Variants in TJAP1 observed in about 807,000 individuals in gnomAD.
TJAP1 encodes the protein tight junction-associated protein 1.
A neutral mutation model predicts 42.0 loss-of-function variants in TJAP1; 27 were observed. The ratio of observed to expected loss-of-function variants is 0.64; its 90% CI spans 0.47 to 0.89. The LOEUF (loss-of-function observed/expected upper bound fraction) is 0.89, where lower values mean the gene tolerates loss of function less well. Among genes scored for constraint, TJAP1 ranks in the 40% least tolerant of loss-of-function variants. The pLI is 0.00. For missense variants in TJAP1, 712 were observed against 726.9 expected (o/e 0.98, Z 0.24); for synonymous variants, 257 against 288.4 (o/e 0.89, Z 1.10).
Position 43,505,174 on chromosome 6 carries a change from A to G in TJAP1, c.993A>G (p.Val331=), listed in dbSNP as rs1272734921. Residue 331 remains valine, a synonymous_variant, in exon 11 of 11, where the codon GTA becomes GTG. Transcript: ENST00000372449. This position sits in a 1 kb window ranked among gnomAD's most constrained non-coding sequence, Gnocchi z 5.5. Reference sequence around the variant, plus strand: ...ACCCACTGTATCCTGGCCGCAGGGTAATAGAGTTCTCTGAGGATAAGGTTC... The same window carrying G: ...ACCCACTGTATCCTGGCCGCAGGGTGATAGAGTTCTCTGAGGATAAGGTTC... 1 of 1,614,170 alleles carries G rather than the reference A, an allele frequency of 6.2e-7. No individual in the cohort carries two copies. The highest frequency in any genetic ancestry group is 1.6e-4 in the Middle Eastern group (1 of 6,062).
At chr6:43,503,996 A>C (rs1482306659) in intron 10 of TJAP1, 1 of 626,960 alleles carries the variant, frequency 1.6e-6, no homozygotes, top group Non-Finnish European at 3.1e-6. Context: ...CTGCCCAAAG[A>C]GTACTAAGAG....
chr6:43,498,105 G>A (rs1448399731), intron 3 of TJAP1, 128 bp downstream of exon 3: 2 of 152,222 alleles, frequency 1.3e-5, no homozygotes, highest in African/African-American at 4.8e-5. Context: ...CAGGGGTTTG[G>A]TCATCAGTGG....
At chr6:43,502,681 T>C (rs764295956) in intron 8 of TJAP1, 64 bp downstream of exon 8, 40 of 1,528,628 alleles carry the variant, frequency 2.6e-5, no homozygotes, top group Middle Eastern at 1.7e-4. Flanking sequence ...AGATCTGGGA[T>C]TGTGGGCCCT....
At position 43,496,063 on chromosome 6, in the gene TJAP1, G is replaced by A. The variant is rs553866701; in HGVS notation, c.-121-1818G>A. Among the ~76,000 whole-genome samples, 27 of 152,248 alleles carry A rather than the reference G, an allele frequency of 1.8e-4. 2 individuals are homozygous for A. The highest frequency in any genetic ancestry group is 6.3e-4 in the African/African-American group (26 of 41,544). The stretch of plus-strand genomic sequence containing the variant: ...ACAAAGGGGCCTGCAGAGAGAAAGG[G>A]CTTCCTGAGATGACTGGGGAGCACA... On this transcript the variant is annotated intron_variant, in intron 2 of 10. Coordinates refer to ENST00000372449, the Ensembl canonical transcript of TJAP1.
intron 7 of TJAP1, 95 bp from the exon 8 acceptor site, chr6:43,502,493 C>T: frequency 6.6e-7 from 1 of 1,516,584 alleles, no homozygotes; most frequent in South Asian, 1.2e-5. Flanking sequence ...GCAGTGTGCT[C>T]TGCAAGTCAA....
At chr6:43,481,672 A>G (rs376685875) in intron 2 of TJAP1, among the ~76,000 whole-genome samples, 9 of 151,596 alleles carry the variant, frequency 5.9e-5, no homozygotes, top group Non-Finnish European at 8.8e-5. Flanking sequence ...GCTGAAGCCT[A>G]TGTTGTTTGA....
At chr6:43,504,565 T>C (rs973452582) in intron 10 of TJAP1, 196 bp from the exon 11 acceptor site, 1 of 711,458 alleles carries the variant, frequency 1.4e-6, no homozygotes, top group African/African-American at 1.8e-5. Context: ...AACCAAAGCT[T>C]TGAGTTGTCT....
At chr6:43,498,356 G>C (rs989323304) in intron 3 of TJAP1, among the ~76,000 whole-genome samples, 1 of 152,208 alleles carries the variant, frequency 6.6e-6, no homozygotes. Context: ...GCTTGAGCTT[G>C]AGAGTTTGAG....
chr6:43,486,361 T>G (rs1463043943), intron 2 of TJAP1, among the ~76,000 whole-genome samples: 1 of 149,552 alleles, frequency 6.7e-6, no homozygotes, highest in Non-Finnish European at 1.5e-5. Flanking sequence ...TAGCTTTTTT[T>G]TTTTTTTTTT....
At chr6:43,500,881 G>T in intron 5 of TJAP1, 109 bp downstream of exon 5, 1 of 1,308,010 alleles carries the variant, frequency 7.6e-7, no homozygotes, top group Non-Finnish European at 1.1e-6. Context: ...TAGAAATAAA[G>T]GTTGGGATGG....
rs537092388 is a variant in TJAP1 at position 43,491,960 on chromosome 6, T to C, written c.-121-5921T>C. Among the ~76,000 whole-genome samples the C allele has an allele frequency of 1.4e-3, 210 of 152,354 alleles. No individual in the cohort carries two copies. Among genetic ancestry groups the C allele is most frequent in the African/African-American group, 4.4e-3 (185 of 41,588 alleles). On this transcript the variant is annotated intron_variant, in intron 2 of 10. Coordinates refer to ENST00000372449, the Ensembl canonical transcript of TJAP1. This position sits in a 1 kb window ranked among gnomAD's most constrained non-coding sequence, Gnocchi z 4.6. Reference sequence around the variant, plus strand: ...AGCAAAAGGGCCTGGAGTTGAGGCCTGGTTGAGGGCCGGTCCTTCACTTTG... The same window carrying C: ...AGCAAAAGGGCCTGGAGTTGAGGCCCGGTTGAGGGCCGGTCCTTCACTTTG...
intron 4 of TJAP1, among the ~76,000 whole-genome samples, chr6:43,499,442 G>GAGCCATC (rs975894730): frequency 3.3e-5 from 5 of 152,258 alleles, no homozygotes; most frequent in Non-Finnish European, 2.9e-5. Context: ...TAGTGGAGTA[G>GAGCCATC]AGCCATTCAA....
At chr6:43,503,062 T>C in intron 8 of TJAP1, 1 of 451,792 alleles carries the variant, frequency 2.2e-6, no homozygotes, top group South Asian at 2.4e-5. Context: ...CATAGGAGGC[T>C]TCAGCCCCCT....
intron 2 of TJAP1, chr6:43,489,700 T>C (rs1417107427): frequency 6.6e-6 from 1 of 152,166 alleles, no homozygotes; most frequent in Non-Finnish European, 1.5e-5. Flanking sequence ...CAGAGAGGCT[T>C]TTTGCCTGAG....
intron 2 of TJAP1, among the ~76,000 whole-genome samples, chr6:43,484,514 A>G (rs963687966): frequency 2.0e-5 from 3 of 152,210 alleles, no homozygotes; most frequent in Non-Finnish European, 2.9e-5. Context: ...TGAATGAATA[A>G]ATTTCCCATT....
chr6:43,501,550 G>T (rs1313484775), exon 6 of TJAP1: 1 of 1,613,782 alleles, frequency 6.2e-7, no homozygotes. Context: ...AGAATGAAGA[G>T]CTTCGCCGGC....
At chr6:43,501,917 ACACACACACACTCTCTCTCTCT>A (rs1790822284) in intron 6 of TJAP1, among the ~76,000 whole-genome samples, 1 of 128,060 alleles carries the variant, frequency 7.8e-6, no homozygotes, top group African/African-American at 3.0e-5. Flanking sequence ...ACACACACAC[ACACACACACACTCTCTCTCTCT>A]CTCTCTCTCT....
chr6:43,493,643 C>T (rs1788307646), intron 2 of TJAP1, among the ~76,000 whole-genome samples: 1 of 152,162 alleles, frequency 6.6e-6, no homozygotes, highest in Non-Finnish European at 1.5e-5. Context: ...TTTGCCTGAG[C>T]TTTAGGCAGA....
rs966038480 is a variant in TJAP1 at position 43,498,866 on chromosome 6, C to G, written c.-24-112C>G. 46 of 1,155,788 alleles carry G rather than the reference C, an allele frequency of 4.0e-5. No homozygotes were observed. In the Admixed American group the frequency reaches 1.0e-3, roughly 25 times the overall value. The allele number at this position is 1,155,788 out of a possible 1,614,324, so 71.6% of individuals were successfully genotyped here. ...GACTCCAGTAATGGCCCAGGCCTGT[C>G]AGCCTATGTGGTGGCCTCAACATAT... On this transcript the variant is annotated intron_variant, in intron 3 of 10. Transcript: ENST00000372449.
Sources: allele counts gnomAD v4.1 joint callset (sites outside exome capture counted in the v4.1 genomes callset), GRCh38; gene constraint gnomAD v4.1.1; non-coding constraint Gnocchi (gnomAD v3.1); transcripts MANE v1.5; gene names NCBI Gene and HGNC (gene_info 2026-07-23, HGNC 2026-07-21).